LRRC18: variants seen among roughly 807,000 people sequenced by gnomAD.
LRRC18 encodes leucine rich repeat containing 18.
Under a neutral mutation model 11.2 loss-of-function variants are expected in LRRC18, and 12 were observed. The observed-to-expected ratio is 1.07, with a 90% CI of 0.69 to 1.74. The LOEUF (loss-of-function observed/expected upper bound fraction) is 1.74. Among genes scored for constraint, LRRC18 ranks in the 40% most tolerant of loss-of-function variants. The probability of loss-of-function intolerance (pLI) is 0.00; values close to 1 mark genes in which losing one functional copy is unlikely to be tolerated. For synonymous variants in LRRC18, 155 were observed against 130.6 expected, an observed-to-expected ratio of 1.19 and a Z score of -1.27; for missense variants, 374 against 330.5, an observed-to-expected ratio of 1.13 and a Z score of -1.02.
At chr10:48,909,590 G>A (rs189165038) in exon 2 of LRRC18, 1 of 152,306 alleles carries the variant, frequency 6.6e-6, no homozygotes, top group East Asian at 1.9e-4. Context: ...CACTCATGGT[G>A]GAAGGTGAAG....
chr10:48,933,570 T>C, the LRRC18 span, among the ~76,000 whole-genome samples: 2 of 152,200 alleles, frequency 1.3e-5, no homozygotes, highest in African/African-American at 2.4e-5. Flanking sequence ...ACTTTCTTCC[T>C]AGTCCAGGTC....
chr10:48,923,496 G>GATATATATATATATATATATATATATA, the LRRC18 span, among the ~76,000 whole-genome samples: 1 of 63,214 alleles, frequency 1.6e-5, no homozygotes, highest in African/African-American at 3.5e-5. Flanking sequence ...ATAGTTTTTA[G>GATATATATATATATATATATATATATA]TATATATATA....
upstream of LRRC18, among the ~76,000 whole-genome samples, chr10:48,916,248 G>T (rs535342702): frequency 2.6e-5 from 4 of 152,288 alleles, no homozygotes; most frequent in South Asian, 8.3e-4. Flanking sequence ...ACAAAACTTT[G>T]CACCAGATGA....
chr10:48,913,174 T>C (rs1446864875), intron 1 of LRRC18, among the ~76,000 whole-genome samples: 1 of 152,130 alleles, frequency 6.6e-6, no homozygotes, highest in African/African-American at 2.4e-5. Context: ...TGTGAGTGTG[T>C]GTGCAGAGGA....
At chr10:48,928,992 T>C in the LRRC18 span, among the ~76,000 whole-genome samples, 1 of 151,876 alleles carries the variant, frequency 6.6e-6, no homozygotes, top group Non-Finnish European at 1.5e-5. Context: ...TAATGACAGG[T>C]GTGATGGATG....
intron 1 of LRRC18, among the ~76,000 whole-genome samples, chr10:48,911,643 G>A (rs1478723826): frequency 2.0e-5 from 3 of 152,080 alleles, no homozygotes; most frequent in Admixed American, 2.0e-4. Flanking sequence ...AGAAATGACA[G>A]GAATGCTATA....
chr10:48,927,434 C>T, the LRRC18 span, among the ~76,000 whole-genome samples: 2 of 152,182 alleles, frequency 1.3e-5, no homozygotes, highest in African/African-American at 4.8e-5. Flanking sequence ...CTTATTCCAG[C>T]ACTTCTGTGG....
At chr10:48,935,642 A>T in the LRRC18 span, among the ~76,000 whole-genome samples, 5 of 152,114 alleles carry the variant, frequency 3.3e-5, no homozygotes, top group Admixed American at 2.0e-4. Flanking sequence ...ATTTGAATTT[A>T]ATTATTTGTT....
the LRRC18 span, among the ~76,000 whole-genome samples, chr10:48,930,737 A>C: frequency 6.6e-6 from 1 of 152,234 alleles, no homozygotes; most frequent in African/African-American, 2.4e-5. Flanking sequence ...ATGAGTGATT[A>C]AATAATTAAT....
chr10:48,925,794 G>A, the LRRC18 span, among the ~76,000 whole-genome samples: 2 of 152,096 alleles, frequency 1.3e-5, no homozygotes, highest in Non-Finnish European at 2.9e-5. Context: ...ATCAATTTTG[G>A]AAATACTGCC....
At chr10:48,916,896 TGTGTGTGTGTGTG>T (rs1396131739), upstream of LRRC18, among the ~76,000 whole-genome samples, 1 of 151,946 alleles carries the variant, frequency 6.6e-6, no homozygotes, top group African/African-American at 2.4e-5. Flanking sequence ...TGTGTGTGTG[TGTGTGTGTGTGTG>T]TACAACCATG....
chr10:48,909,673 A>G (rs906135275), exon 2 of LRRC18: 2 of 152,110 alleles, frequency 1.3e-5, no homozygotes, highest in African/African-American at 2.4e-5. Context: ...TTAACAATCA[A>G]TTTTCAACAG....
chr10:48,912,147 G>A (rs1157485718), intron 1 of LRRC18, among the ~76,000 whole-genome samples: 3 of 152,164 alleles, frequency 2.0e-5, no homozygotes, highest in East Asian at 3.8e-4. Context: ...GCCAGAGAAG[G>A]TTCTCAGCTA....
chr10:48,921,469 A>C, the LRRC18 span, among the ~76,000 whole-genome samples: 1 of 152,232 alleles, frequency 6.6e-6, no homozygotes, highest in Non-Finnish European at 1.5e-5. Context: ...AATGGATCAT[A>C]GATTTGAATG....
chr10:48,918,434 T>C (rs577155730), upstream of LRRC18, among the ~76,000 whole-genome samples: 1 of 152,342 alleles, frequency 6.6e-6, no homozygotes, highest in East Asian at 1.9e-4. Flanking sequence ...ACTTTATTAA[T>C]GTCAGATAAA....
At chr10:48,915,722 T>C (rs1838461169), upstream of LRRC18, among the ~76,000 whole-genome samples, 1 of 152,044 alleles carries the variant, frequency 6.6e-6, no homozygotes, top group Admixed American at 6.6e-5. Context: ...GGTCAGAGGG[T>C]CCTACCCTGC....
At position 48,914,137 on chromosome 10, in the gene LRRC18, CT is replaced by C; in HGVS notation, c.18del (p.Gly7AlafsTer28). ...AGGGTGATCTTCTTGCCCTTGGGGC[CT>C]TTCTCACCCTTAACCATGTTCTTTT... is the stretch of plus-strand genomic sequence containing the variant. On this transcript the variant is annotated frameshift_variant, in exon 1 of 2. Coordinates refer to ENST00000374160, the Ensembl canonical transcript of LRRC18. LOFTEE classifies it high-confidence loss of function. The C allele has an allele frequency of 6.2e-7, 1 of 1,613,706 alleles. No homozygotes were observed. The highest frequency in any genetic ancestry group is 8.5e-7 in the Non-Finnish European group (1 of 1,179,926).
At chr10:48,937,196 T>C in the LRRC18 span, among the ~76,000 whole-genome samples, 1 of 152,162 alleles carries the variant, frequency 6.6e-6, no homozygotes, top group Non-Finnish European at 1.5e-5. Flanking sequence ...GCCAGCCAAC[T>C]TTCAGATTTT....
upstream of LRRC18, among the ~76,000 whole-genome samples, chr10:48,915,717 G>C (rs928693256): frequency 2.6e-5 from 4 of 152,224 alleles, no homozygotes; most frequent in Non-Finnish European, 5.9e-5. Flanking sequence ...TGAAGGGTCA[G>C]AGGGTCCTAC....
Sources: allele counts gnomAD v4.1 joint callset (sites outside exome capture counted in the v4.1 genomes callset), GRCh38; gene constraint gnomAD v4.1.1; transcripts MANE v1.5; gene names NCBI Gene and HGNC (gene_info 2026-07-23, HGNC 2026-07-21).